The following PRKCA variants were observed in gnomAD, a reference collection of about 807,000 sequenced individuals.
PRKCA encodes protein kinase C alpha type.
PRKCA carries 27 observed loss-of-function variants against 87.0 expected under a neutral mutation model. The observed-to-expected ratio is 0.31, with a 90% confidence interval of 0.23 to 0.43. PRKCA has a LOEUF of 0.43. Ranked by LOEUF, PRKCA falls within the 20% of genes least tolerant of loss-of-function variation. The pLI is 1.00. For missense variants in PRKCA, 518 were observed against 852.3 expected (o/e 0.61, Z 4.88); for synonymous variants, 329 against 311.1 (o/e 1.06, Z -0.61).
intron 10 of PRKCA, among the ~76,000 whole-genome samples, chr17:66,738,182 C>G (rs902113462): frequency 1.3e-4 from 20 of 152,308 alleles, no homozygotes; most frequent in Middle Eastern, 3.4e-3. Flanking sequence ...AGTGTTTGGG[C>G]ATATTACAGA....
chr17:66,372,445 A>G (rs1471703301), intron 2 of PRKCA, among the ~76,000 whole-genome samples: 1 of 152,168 alleles, frequency 6.6e-6, no homozygotes, highest in Non-Finnish European at 1.5e-5. Context: ...TTTTAAATGT[A>G]AGCAGTGATA....
At chr17:66,339,243 A>G (rs1460550771) in intron 2 of PRKCA, among the ~76,000 whole-genome samples, 5 of 152,172 alleles carry the variant, frequency 3.3e-5, no homozygotes, top group Non-Finnish European at 7.4e-5. Flanking sequence ...TTTCCAGTCT[A>G]TTCTTCCTAT....
At chr17:66,760,680 T>C (rs1420628919) in intron 13 of PRKCA, among the ~76,000 whole-genome samples, 2 of 152,186 alleles carry the variant, frequency 1.3e-5, no homozygotes, top group Non-Finnish European at 2.9e-5. Flanking sequence ...AAGTTACTAA[T>C]AAATGAAAGA....
chr17:66,588,747 T>C (rs1969700376), intron 3 of PRKCA, among the ~76,000 whole-genome samples: 1 of 149,152 alleles, frequency 6.7e-6, no homozygotes, highest in African/African-American at 2.5e-5. Context: ...TTCAAGCAAT[T>C]CTAGTGCCCT....
intron 2 of PRKCA, among the ~76,000 whole-genome samples, chr17:66,378,445 T>A (rs1430779156): frequency 6.6e-6 from 1 of 152,232 alleles, no homozygotes; most frequent in East Asian, 1.9e-4. Flanking sequence ...CGGAATTGAA[T>A]GACTATTAAT....
intron 2 of PRKCA, among the ~76,000 whole-genome samples, chr17:66,420,050 T>A (rs1912397873): frequency 6.6e-6 from 1 of 150,522 alleles, no homozygotes. Flanking sequence ...TCTTGCTCTG[T>A]CACCAGGCTG....
At chr17:66,369,300 C>T (rs546180344) in intron 2 of PRKCA, among the ~76,000 whole-genome samples, 4 of 152,230 alleles carry the variant, frequency 2.6e-5, no homozygotes, top group African/African-American at 9.6e-5. Context: ...TATCCCAGTA[C>T]TTCCACGGGA....
At position 66,495,368 on chromosome 17, in the gene PRKCA, T is replaced by A. The variant is rs866377112; in HGVS notation, c.206-833T>A. Among the ~76,000 whole-genome samples, 11 of 152,118 alleles carry A rather than the reference T, an allele frequency of 7.2e-5. 1 individual carries two copies. The highest frequency in any genetic ancestry group is 6.2e-4 in the South Asian group (3 of 4,814). On this transcript the variant is annotated intron_variant, in intron 2 of 16. Coordinates refer to ENST00000413366, the MANE Select transcript of PRKCA (RefSeq NM_002737.3). Reference sequence around the variant, plus strand: ...TAGATTGCATTTGTGTCTGAATGAGTTTATTAAGTTGCTGAGGAAGTCCTG... The same window carrying A: ...TAGATTGCATTTGTGTCTGAATGAGATTATTAAGTTGCTGAGGAAGTCCTG...
chr17:66,312,705 T>C (rs1310733728), intron 2 of PRKCA, among the ~76,000 whole-genome samples: 1 of 151,830 alleles, frequency 6.6e-6, no homozygotes, highest in African/African-American at 2.4e-5. Context: ...AATTGTCCTA[T>C]TCTACATGTT....
At chr17:66,538,016 A>G (rs1967847572) in intron 3 of PRKCA, among the ~76,000 whole-genome samples, 1 of 152,110 alleles carries the variant, frequency 6.6e-6, no homozygotes, top group Admixed American at 6.5e-5. Flanking sequence ...CATGTTGCCT[A>G]AGCTGGTCTC....
At chr17:66,632,175 G>T (rs1350096208) in intron 3 of PRKCA, among the ~76,000 whole-genome samples, 2 of 152,064 alleles carry the variant, frequency 1.3e-5, no homozygotes, top group Non-Finnish European at 2.9e-5. Context: ...GTATTCAGCT[G>T]GACTTCGTGG....
Position 66,339,300 on chromosome 17 carries a change from G to T in PRKCA, c.205+33173G>T, listed in dbSNP as rs143465396. 4.1e-4 allele frequency among the ~76,000 whole-genome samples: 63 copies of T among 152,268 alleles called. No homozygotes were observed. The East Asian group carries it at 0.012, about 29-fold the overall frequency. On this transcript the variant is annotated intron_variant, in intron 2 of 16. Transcript: ENST00000413366. ...ATTGAGATTCGGCTGTTTATTTGCA[G>T]AAATAGTTAATCTATCTTTCTTTTA... is the stretch of plus-strand genomic sequence containing the variant.
At chr17:66,630,804 C>G (rs764971207) in intron 3 of PRKCA, among the ~76,000 whole-genome samples, 10 of 152,182 alleles carry the variant, frequency 6.6e-5, no homozygotes, top group Non-Finnish European at 1.3e-4. Flanking sequence ...TACAAGCTTT[C>G]AAAGTTTGAA....
chr17:66,713,345 C>T lies in PRKCA; in HGVS notation c.919-19343C>T, dbSNP rs150471471. 3.2e-3 allele frequency among the ~76,000 whole-genome samples: 487 copies of T among 152,164 alleles called. 6 individuals are homozygous for T. Among genetic ancestry groups the T allele is most frequent in the African/African-American group, 0.011 (460 of 41,510 alleles). On this transcript the variant is annotated intron_variant, in intron 8 of 16. Transcript: ENST00000413366. ...GATTACAGTCGTGAGCCACCGCATCCGACCTCATTGTGCTTTCTAAACCAC... is the reference window on the plus strand; with the variant it reads ...GATTACAGTCGTGAGCCACCGCATCTGACCTCATTGTGCTTTCTAAACCAC...
intron 13 of PRKCA, among the ~76,000 whole-genome samples, chr17:66,769,079 G>A (rs1974874195): frequency 6.6e-6 from 1 of 152,130 alleles, no homozygotes; most frequent in Non-Finnish European, 1.5e-5. Context: ...TAGACTGACG[G>A]GCTGTGGAAG....
At chr17:66,475,449 T>A (rs1470094812) in intron 2 of PRKCA, among the ~76,000 whole-genome samples, 2 of 152,244 alleles carry the variant, frequency 1.3e-5, no homozygotes, top group Non-Finnish European at 2.9e-5. Context: ...CGAATGATCC[T>A]TATTACTCAG....
chr17:66,335,733 A>G lies in PRKCA; in HGVS notation c.205+29606A>G, dbSNP rs1156725355. ...TATTCCATTTTGTAGAATATCTTTT[A>G]CCATTTTATTTTTAGCCACTGTCAT... On this transcript the variant is annotated intron_variant, in intron 2 of 16. Coordinates refer to ENST00000413366, the MANE Select transcript of PRKCA (RefSeq NM_002737.3). Among the ~76,000 whole-genome samples the G allele has an allele frequency of 3.9e-5, 6 of 152,262 alleles. No individual in the cohort carries two copies. The East Asian group carries it at 1.2e-3, about 29-fold the overall frequency.
intron 4 of PRKCA, among the ~76,000 whole-genome samples, chr17:66,642,371 C>T (rs373152845): frequency 1.3e-5 from 2 of 152,044 alleles, no homozygotes; most frequent in East Asian, 1.9e-4. Context: ...CCTCGTGATC[C>T]GCCCGCCTCG....
At chr17:66,359,888 A>G (rs1908280903) in intron 2 of PRKCA, among the ~76,000 whole-genome samples, 1 of 152,204 alleles carries the variant, frequency 6.6e-6, no homozygotes, top group African/African-American at 2.4e-5. Context: ...GGATTAAGTA[A>G]TTATTTCTTG....
Sources: gnomAD v4.1 joint callset for allele counts (sites outside exome capture counted in the v4.1 genomes callset) on GRCh38, gnomAD v4.1.1 for gene constraint, MANE v1.5 for transcripts, NCBI Gene and HGNC (gene_info 2026-07-23, HGNC 2026-07-21) for gene names.